SGK1: variants seen among roughly 807,000 people sequenced by gnomAD.
SGK1 encodes the protein serine/threonine-protein kinase Sgk1.
In SGK1, 26 loss-of-function variants were observed where a neutral mutation model predicts 64.2. The observed-to-expected ratio is 0.40, with a 90% CI of 0.30 to 0.56. SGK1 has a LOEUF of 0.56. SGK1 is among the 20% of genes least tolerant of loss of function. The probability of loss-of-function intolerance (pLI) is 0.38; values close to 1 mark genes in which losing one functional copy is unlikely to be tolerated. For synonymous variants in SGK1, 265 were observed against 239.7 expected, an observed-to-expected ratio of 1.11 and a Z score of -0.98; for missense variants, 519 against 645.6, an observed-to-expected ratio of 0.80 and a Z score of 2.12.
intron 1 of SGK1, among the ~76,000 whole-genome samples, chr6:134,290,807 C>T (rs1777253261): frequency 6.6e-6 from 1 of 152,172 alleles, no homozygotes; most frequent in Non-Finnish European, 1.5e-5. Context: ...GGGCCACCTC[C>T]TATAAACTAC....
At chr6:134,285,564 C>A (rs1261459235) in intron 1 of SGK1, among the ~76,000 whole-genome samples, 1 of 150,322 alleles carries the variant, frequency 6.7e-6, no homozygotes, top group African/African-American at 2.4e-5. Context: ...TCATAATGGC[C>A]ATTCTTGCAG....
chr6:134,286,513 G>A, intron 1 of SGK1, among the ~76,000 whole-genome samples: 1 of 141,890 alleles, frequency 7.0e-6, no homozygotes, highest in South Asian at 2.2e-4. Context: ...ACGGAGTCTC[G>A]CTGAGTGCAG....
At chr6:134,216,136 A>G (rs1369733562) in intron 2 of SGK1, among the ~76,000 whole-genome samples, 1 of 152,058 alleles carries the variant, frequency 6.6e-6, no homozygotes, top group East Asian at 1.9e-4. Flanking sequence ...TGTTAAAATC[A>G]CCTCTGATGA....
rs1393536763 is a variant in SGK1 at position 134,184,037 on chromosome 6, C to T, written c.362-9451G>A. 2.6e-5 allele frequency among the ~76,000 whole-genome samples: 4 copies of T among 152,226 alleles called. No homozygotes were observed. In the East Asian group the frequency reaches 7.7e-4, roughly 29 times the overall value. On this transcript the variant is annotated intron_variant, in intron 3 of 13. Transcript: ENST00000367858. Reference sequence around the variant, plus strand: ...CTGCCCCTCTGACCTCTCCTCCTACCTTCTCCCTCCCTCCAGGTTTGTACC... The same window carrying T: ...CTGCCCCTCTGACCTCTCCTCCTACTTTCTCCCTCCCTCCAGGTTTGTACC...
At chr6:134,235,997 G>A (rs747926784) in intron 2 of SGK1, among the ~76,000 whole-genome samples, 3 of 152,000 alleles carry the variant, frequency 2.0e-5, no homozygotes, top group African/African-American at 4.8e-5. Context: ...GAGAGTTTAG[G>A]TCAGCCCTGA....
intron 1 of SGK1, among the ~76,000 whole-genome samples, chr6:134,264,332 G>T (rs1776816510): frequency 6.6e-6 from 1 of 152,042 alleles, no homozygotes; most frequent in Non-Finnish European, 1.5e-5. Flanking sequence ...TGTTAGCCAG[G>T]ATGGTCTCGA....
intron 1 of SGK1, among the ~76,000 whole-genome samples, chr6:134,311,258 T>A (rs1007725592): frequency 2.0e-5 from 3 of 152,172 alleles, no homozygotes; most frequent in South Asian, 2.1e-4. Flanking sequence ...AATAGAAGGA[T>A]TTGTTCTTTT....
At chr6:134,199,515 C>T (rs1244160483) in intron 3 of SGK1, among the ~76,000 whole-genome samples, 1 of 141,726 alleles carries the variant, frequency 7.1e-6, no homozygotes, top group African/African-American at 2.6e-5. Context: ...GCTGAGATTG[C>T]GTCACTGCAC....
At chr6:134,185,125 G>T (rs1775401324) in intron 3 of SGK1, among the ~76,000 whole-genome samples, 2 of 152,140 alleles carry the variant, frequency 1.3e-5, no homozygotes, top group Non-Finnish European at 2.9e-5. Context: ...TATGAATTTG[G>T]CTTATAGAAA....
chr6:134,290,150 C>CAAAAAAAAAAAAAAAAAAAAAAAAA, intron 1 of SGK1, among the ~76,000 whole-genome samples: 1 of 75,940 alleles, frequency 1.3e-5, no homozygotes, highest in Non-Finnish European at 2.3e-5. Context: ...AGCTCCTTCT[C>CAAAAAAAAAAAAAAAAAAAAAAAAA]AAAAAAAAAA....
intron 2 of SGK1, among the ~76,000 whole-genome samples, chr6:134,247,550 A>G (rs1399940376): frequency 6.6e-6 from 1 of 152,226 alleles, no homozygotes; most frequent in Non-Finnish European, 1.5e-5. Context: ...AATAAACCCT[A>G]TGAGTTTGAA....
intron 1 of SGK1, among the ~76,000 whole-genome samples, chr6:134,304,345 T>C (rs1777502540): frequency 6.6e-6 from 1 of 152,032 alleles, no homozygotes; most frequent in South Asian, 2.1e-4. Flanking sequence ...TTTAGTAGAG[T>C]TGGACACAAT....
chr6:134,216,676 C>T (rs1047364181), intron 2 of SGK1, among the ~76,000 whole-genome samples: 3 of 152,112 alleles, frequency 2.0e-5, no homozygotes, highest in South Asian at 2.1e-4. Context: ...ATCTGGAACC[C>T]GATATCATGT....
intron 1 of SGK1, among the ~76,000 whole-genome samples, chr6:134,280,043 A>T (rs1408880424): frequency 7.2e-5 from 11 of 151,984 alleles, no homozygotes; most frequent in Admixed American, 6.6e-4. Flanking sequence ...AAGATAAAAA[A>T]ATATAGCTGA....
At position 134,174,097 on chromosome 6, in the gene SGK1, G is replaced by A; in HGVS notation, c.438-17C>T. The A allele has an allele frequency of 1.9e-6, 3 of 1,600,408 alleles. No homozygotes were observed. The East Asian group carries it at 6.7e-5, about 36-fold the overall frequency. On this transcript the variant is annotated splice_polypyrimidine_tract_variant and intron_variant, in intron 4 of 13. Transcript: ENST00000367858. ...ACTTCAGGGCTGCAGGGAATAAAGGGCACGATTTAGAATCCAGCTCGCCAC... is the reference window on the plus strand; with the variant it reads ...ACTTCAGGGCTGCAGGGAATAAAGGACACGATTTAGAATCCAGCTCGCCAC...
At chr6:134,281,849 T>C (rs560462124) in intron 1 of SGK1, among the ~76,000 whole-genome samples, 2 of 152,268 alleles carry the variant, frequency 1.3e-5, no homozygotes, top group Non-Finnish European at 2.9e-5. Flanking sequence ...GGAGAGTTGC[T>C]CACGTGCCTA....
intron 1 of SGK1, among the ~76,000 whole-genome samples, chr6:134,287,341 T>G (rs1777201521): frequency 6.6e-6 from 1 of 152,068 alleles, no homozygotes. Flanking sequence ...TGAATAAATA[T>G]AATTTTTTTA....
At chr6:134,174,126 G>C (rs759080890) in intron 4 of SGK1, 46 bp from the exon 5 acceptor site, 1 of 1,391,768 alleles carries the variant, frequency 7.2e-7, no homozygotes, top group Non-Finnish European at 1.0e-6. Flanking sequence ...TCGCCACTAG[G>C]GGGCACACCA....
intron 1 of SGK1, among the ~76,000 whole-genome samples, chr6:134,266,816 A>G (rs761548248): frequency 1.3e-5 from 2 of 152,184 alleles, no homozygotes; most frequent in Non-Finnish European, 2.9e-5. Flanking sequence ...TGTTAGTACT[A>G]AATGTGTTTT....
Sources: allele counts gnomAD v4.1 joint callset (sites outside exome capture counted in the v4.1 genomes callset), GRCh38; gene constraint gnomAD v4.1.1; transcripts MANE v1.5; gene names NCBI Gene and HGNC (gene_info 2026-07-23, HGNC 2026-07-21).